The following PPP2R2B variants were observed in gnomAD, a reference collection of about 807,000 sequenced individuals.
PPP2R2B encodes protein phosphatase 2 regulatory subunit Bbeta.
PPP2R2B carries 5 observed loss-of-function variants against 46.0 expected under a neutral mutation model. The ratio of observed to expected loss-of-function variants is 0.11; its 90% CI spans 0.06 to 0.23. The LOEUF is 0.23. Among genes scored for constraint, PPP2R2B ranks in the 10% least tolerant of loss-of-function variants. The pLI, the probability that PPP2R2B is intolerant of heterozygous loss-of-function variation, is 1.00. For synonymous variants in PPP2R2B, 215 were observed against 206.7 expected, an observed-to-expected ratio of 1.04 and a Z score of -0.34; for missense variants, 367 against 575.0, an observed-to-expected ratio of 0.64 and a Z score of 3.70.
At chr5:146,879,407 G>C (rs991772399), upstream of PPP2R2B, among the ~76,000 whole-genome samples, 4 of 152,142 alleles carry the variant, frequency 2.6e-5, no homozygotes, top group Admixed American at 2.6e-4. Context: ...GGATCAGTCT[G>C]AAAAAGTCCA....
Position 146,850,433 on chromosome 5 carries a change from AT to A in PPP2R2B, c.70+27568del, listed in dbSNP as rs1760274012. The stretch of plus-strand genomic sequence containing the variant: ...GATAAAAAGCAAAAATGGCTCATAT[AT>A]TTTTGCAAGACTCTGCAAGATGTGG... On this transcript the variant is annotated intron_variant, in intron 2 of 9. Coordinates refer to ENST00000394411, the MANE Select transcript of PPP2R2B (RefSeq NM_181675.4). Among the ~76,000 whole-genome samples the A allele has an allele frequency of 3.9e-5, 6 of 152,186 alleles. No individual in the cohort carries two copies. The South Asian group carries it at 1.2e-3, about 32-fold the overall frequency.
At chr5:146,973,463 C>T (rs566265478) in intron 1 of PPP2R2B, among the ~76,000 whole-genome samples, 4 of 152,326 alleles carry the variant, frequency 2.6e-5, no homozygotes, top group South Asian at 4.1e-4. Flanking sequence ...CAGCAGCAGC[C>T]GAAGGGCAGC....
chr5:146,998,611 A>C (rs1479849738), intron 1 of PPP2R2B, among the ~76,000 whole-genome samples: 1 of 152,220 alleles, frequency 6.6e-6, no homozygotes, highest in East Asian at 1.9e-4. Context: ...CTGTGAGTCA[A>C]GTCTCCTTTG....
At chr5:146,831,312 C>G (rs1205050827) in intron 2 of PPP2R2B, among the ~76,000 whole-genome samples, 1 of 151,940 alleles carries the variant, frequency 6.6e-6, no homozygotes, top group Admixed American at 6.6e-5. Flanking sequence ...GCCTGGGCAA[C>G]ATGGCGAAAC....
At chr5:146,961,922 T>C (rs961235431) in intron 1 of PPP2R2B, among the ~76,000 whole-genome samples, 3 of 151,832 alleles carry the variant, frequency 2.0e-5, no homozygotes, top group African/African-American at 7.3e-5. Flanking sequence ...TGGTCATTGC[T>C]TGTGTGTGTC....
intron 1 of PPP2R2B, among the ~76,000 whole-genome samples, chr5:147,004,703 G>A (rs1214692198): frequency 6.6e-6 from 1 of 152,142 alleles, no homozygotes; most frequent in Non-Finnish European, 1.5e-5. Flanking sequence ...CTTGAGGAGG[G>A]AATCAACCCT....
At chr5:146,812,989 G>T (rs1292285945) in intron 2 of PPP2R2B, among the ~76,000 whole-genome samples, 1 of 148,918 alleles carries the variant, frequency 6.7e-6, no homozygotes, top group Non-Finnish European at 1.5e-5. Flanking sequence ...ATGAGATTTG[G>T]GTGGGGACAC....
chr5:146,901,435 G>C (rs1762833060), intron 1 of PPP2R2B, among the ~76,000 whole-genome samples: 1 of 152,050 alleles, frequency 6.6e-6, no homozygotes, highest in Non-Finnish European at 1.5e-5. Flanking sequence ...GGAGGTCAAG[G>C]CTTCAGTGAG....
chr5:147,006,958 C>T (rs1235793552), intron 1 of PPP2R2B, among the ~76,000 whole-genome samples: 1 of 152,192 alleles, frequency 6.6e-6, no homozygotes, highest in African/African-American at 2.4e-5. Context: ...GGCAACATGG[C>T]TTCTCCCCTT....
intron 7 of PPP2R2B, among the ~76,000 whole-genome samples, chr5:146,604,195 T>C (rs1772049943): frequency 6.6e-6 from 1 of 152,174 alleles, no homozygotes; most frequent in African/African-American, 2.4e-5. Flanking sequence ...TACTGTGTTA[T>C]CAGACGGAAA....
intron 1 of PPP2R2B, among the ~76,000 whole-genome samples, chr5:147,035,506 G>A (rs1394681316): frequency 6.6e-6 from 1 of 152,104 alleles, no homozygotes; most frequent in African/African-American, 2.4e-5. Flanking sequence ...TCTTCTGTTA[G>A]AACAACCCAC....
In PPP2R2B at chr5:146,707,558, G is replaced by A. The variant is rs1290039101; in HGVS notation, c.71-6416C>T. ...GCAGCTGCAGAAGGCCCGGGTGCCA[G>A]AGGTGGACACCTTGTAGGACTTCTG... is the stretch of plus-strand genomic sequence containing the variant. On this transcript the variant is annotated intron_variant, in intron 2 of 9. Transcript: ENST00000394411. 54 of 716,696 alleles carry A rather than the reference G, an allele frequency of 7.5e-5. No homozygotes were observed. In the East Asian group the frequency reaches 1.3e-3, roughly 18 times the overall value. The allele number at this position is 716,696 out of a possible 1,614,324, so 44.4% of individuals were successfully genotyped here.
chr5:146,658,687 C>A (rs1043052283), intron 5 of PPP2R2B, among the ~76,000 whole-genome samples: 3 of 152,210 alleles, frequency 2.0e-5, no homozygotes, highest in Non-Finnish European at 4.4e-5. Context: ...GGTTCTCCTT[C>A]TTCCTTTTTC....
intron 1 of PPP2R2B, among the ~76,000 whole-genome samples, chr5:147,006,843 C>T (rs1754461137): frequency 6.6e-6 from 1 of 151,952 alleles, no homozygotes; most frequent in Non-Finnish European, 1.5e-5. Flanking sequence ...GTTGTTTTTA[C>T]ACTAACCATT....
intron 2 of PPP2R2B, among the ~76,000 whole-genome samples, chr5:146,814,102 T>G (rs1449083892): frequency 6.6e-6 from 1 of 151,584 alleles, no homozygotes; most frequent in Non-Finnish European, 1.5e-5. Flanking sequence ...AAGTATGCAC[T>G]CAGTAAATGC....
At chr5:146,752,365 G>A (rs900007379) in intron 2 of PPP2R2B, among the ~76,000 whole-genome samples, 3 of 152,094 alleles carry the variant, frequency 2.0e-5, no homozygotes, top group African/African-American at 7.2e-5. Context: ...GGTCTCCATC[G>A]AATGTCTTCT....
At chr5:146,684,809 C>A (rs972681345) in intron 5 of PPP2R2B, among the ~76,000 whole-genome samples, 3 of 152,284 alleles carry the variant, frequency 2.0e-5, no homozygotes, top group East Asian at 1.9e-4. Flanking sequence ...CCAGAATCAC[C>A]TGGGCATTTT....
chr5:146,699,849 T>G (rs1341691956), intron 3 of PPP2R2B, among the ~76,000 whole-genome samples: 2 of 151,998 alleles, frequency 1.3e-5, no homozygotes, highest in Non-Finnish European at 2.9e-5. Context: ...GTCAAGTGTG[T>G]GTAGTATGTG....
chr5:146,976,108 T>TTATTA (rs1752890559), intron 1 of PPP2R2B, among the ~76,000 whole-genome samples: 65 of 130,682 alleles, frequency 5.0e-4, no homozygotes, highest in African/African-American at 1.7e-3. Context: ...TTTTAAAAAA[T>TTATTA]TTATTATTAT....
Sources: allele counts gnomAD v4.1 joint callset (sites outside exome capture counted in the v4.1 genomes callset), GRCh38; gene constraint gnomAD v4.1.1; transcripts MANE v1.5; gene names NCBI Gene and HGNC (gene_info 2026-07-23, HGNC 2026-07-21).